POPDC1: variants seen among roughly 807,000 people sequenced by gnomAD.
POPDC1 encodes the protein popeye domain-containing protein 1.
the POPDC1 span, chr6:105,133,316 A>G: frequency 6.6e-7 from 1 of 1,525,424 alleles, no homozygotes; most frequent in African/African-American, 1.4e-5. Context: ...TGTCAGTTAC[A>G]GAAAAGTTAC....
the POPDC1 span, among the ~76,000 whole-genome samples, chr6:105,108,906 G>C: frequency 1.3e-5 from 2 of 152,220 alleles, no homozygotes; most frequent in South Asian, 4.1e-4. Context: ...ACCCACAACA[G>C]TTTGAAGGTA....
At chr6:105,119,074 A>G in the POPDC1 span, among the ~76,000 whole-genome samples, 1 of 150,548 alleles carries the variant, frequency 6.6e-6, no homozygotes, top group Non-Finnish European at 1.5e-5. Flanking sequence ...AATCCCAGCT[A>G]TTCAGGAGGC....
the POPDC1 span, chr6:105,124,670 T>A: frequency 6.6e-7 from 1 of 1,506,258 alleles, no homozygotes; most frequent in Non-Finnish European, 9.2e-7. Context: ...TAACAGAAAT[T>A]AATGTTAATA....
the POPDC1 span, among the ~76,000 whole-genome samples, chr6:105,109,939 CTATG>C: frequency 1.3e-5 from 2 of 151,388 alleles, no homozygotes; most frequent in African/African-American, 4.9e-5. Flanking sequence ...CATGTGATAT[CTATG>C]TATATTAACT....
At chr6:105,103,097 A>G in the POPDC1 span, among the ~76,000 whole-genome samples, 1 of 152,220 alleles carries the variant, frequency 6.6e-6, no homozygotes, top group African/African-American at 2.4e-5. Flanking sequence ...TTCAATGTCT[A>G]TTCAAATGGC....
chr6:105,115,673 T>C, the POPDC1 span: 1 of 1,613,856 alleles, frequency 6.2e-7, no homozygotes, highest in East Asian at 2.2e-5. Context: ...GTATCAGTTT[T>C]GGGATAACTT....
chr6:105,103,030 C>T, the POPDC1 span, among the ~76,000 whole-genome samples: 1 of 152,174 alleles, frequency 6.6e-6, no homozygotes, highest in African/African-American at 2.4e-5. Context: ...AGTTCTCAGG[C>T]GAGTTCTTCC....
At chr6:105,109,850 T>C in the POPDC1 span, among the ~76,000 whole-genome samples, 2 of 149,852 alleles carry the variant, frequency 1.3e-5, no homozygotes. Flanking sequence ...TGTTTCAAAG[T>C]GACTGTTCCT....
At chr6:105,102,514 C>T in the POPDC1 span, among the ~76,000 whole-genome samples, 1 of 152,182 alleles carries the variant, frequency 6.6e-6, no homozygotes, top group Non-Finnish European at 1.5e-5. Flanking sequence ...TGGTATGGCA[C>T]AGGGGGAGGG....
the POPDC1 span, chr6:105,116,716 G>A: frequency 2.5e-6 from 4 of 1,593,588 alleles, no homozygotes; most frequent in Non-Finnish European, 3.4e-6. Context: ...CATTTAAGGT[G>A]GGATCATTCA....
chr6:105,122,416 A>G, the POPDC1 span, among the ~76,000 whole-genome samples: 3 of 152,236 alleles, frequency 2.0e-5, no homozygotes, highest in African/African-American at 7.2e-5. Context: ...CCTAGTCCCC[A>G]AGAAGAAAGA....
At chr6:105,117,617 T>C in the POPDC1 span, among the ~76,000 whole-genome samples, 1 of 152,188 alleles carries the variant, frequency 6.6e-6, no homozygotes. Flanking sequence ...GCCCTCACCA[T>C]TCAGTGCCAG....
the POPDC1 span, among the ~76,000 whole-genome samples, chr6:105,110,258 A>C: frequency 1.3e-5 from 2 of 152,206 alleles, no homozygotes; most frequent in African/African-American, 2.4e-5. Flanking sequence ...AATATCCCAA[A>C]CAAGTTTATG....
At chr6:105,109,574 C>T in the POPDC1 span, among the ~76,000 whole-genome samples, 2 of 151,178 alleles carry the variant, frequency 1.3e-5, no homozygotes, top group South Asian at 2.1e-4. Context: ...GTGGTCTCTA[C>T]AAAAAATACA....
chr6:105,131,445 T>C, the POPDC1 span, among the ~76,000 whole-genome samples: 3 of 152,242 alleles, frequency 2.0e-5, no homozygotes, highest in South Asian at 6.2e-4. Context: ...AAAATTTTTT[T>C]TTCTTTTTTG....
At chr6:105,115,146 G>T in the POPDC1 span, among the ~76,000 whole-genome samples, 9 of 152,244 alleles carry the variant, frequency 5.9e-5, no homozygotes, top group Non-Finnish European at 1.2e-4. Flanking sequence ...GAGTGCAGTG[G>T]CGTGATCTCA....
At chr6:105,100,355 A>T in the POPDC1 span, 1 of 140,416 alleles carries the variant, frequency 7.1e-6, no homozygotes, top group Non-Finnish European at 1.6e-5. Context: ...TAAAAATACA[A>T]AAAAATTAGC....
At chr6:105,123,256 A>ACTGG in the POPDC1 span, among the ~76,000 whole-genome samples, 430 of 152,332 alleles carry the variant, frequency 2.8e-3, no homozygotes, top group South Asian at 8.3e-3. Flanking sequence ...GTTAATCCAG[A>ACTGG]GGCTGAGACT....
At chr6:105,123,943 G>A in the POPDC1 span, among the ~76,000 whole-genome samples, 2 of 151,810 alleles carry the variant, frequency 1.3e-5, no homozygotes, top group Non-Finnish European at 2.9e-5. Flanking sequence ...TTTCCTTTTC[G>A]CTAATAAAGC....
Sources: gnomAD v4.1 joint callset for allele counts (sites outside exome capture counted in the v4.1 genomes callset) on GRCh38, gnomAD v4.1.1 for gene constraint, MANE v1.5 for transcripts, NCBI Gene and HGNC (gene_info 2026-07-23, HGNC 2026-07-21) for gene names.